Variants in KIAA1671 observed in about 807,000 individuals in gnomAD.
KIAA1671 encodes KIAA1671, also known as uncharacterized protein KIAA1671.
Under a neutral mutation model 131.2 loss-of-function variants are expected in KIAA1671, and 52 were observed. The ratio of observed to expected loss-of-function variants is 0.40; its 90% CI spans 0.32 to 0.50. The LOEUF (loss-of-function observed/expected upper bound fraction) is 0.50, where lower values mean the gene tolerates loss of function less well. Ranked by LOEUF, KIAA1671 falls within the 20% of genes least tolerant of loss-of-function variation. KIAA1671 has a pLI of 0.73. For missense variants in KIAA1671, 2,360 were observed against 2,364.2 expected (o/e 1.00, Z 0.04); for synonymous variants, 1,003 against 961.6 (o/e 1.04, Z -0.80).
intron 6 of KIAA1671, among the ~76,000 whole-genome samples, chr22:25,098,813 A>G (rs1011899791): frequency 6.6e-6 from 1 of 152,168 alleles, no homozygotes; most frequent in African/African-American, 2.4e-5. Context: ...TGGCTGCCCC[A>G]TTCCCTGCCC....
Position 25,041,362 on chromosome 22 carries a change from A to G in KIAA1671, c.4232A>G (p.Glu1411Gly). Residue 1411 changes from glutamate to glycine, a missense_variant, in exon 5 of 13, where the codon GAG (glutamate) becomes GGG (glycine). Glu to Gly is a moderately conservative substitution (Grantham distance 98). Coordinates refer to ENST00000358431, the MANE Select transcript of KIAA1671 (RefSeq NM_001145206.2). ...VPLDIKRAYS[E>G]KGPPANIREG... is the part of the protein sequence containing the mutation. ...CTGGATATCAAGAGGGCCTACTCAG[A>G]GAAGGGGCCCCCTGCCAACATCCGA... 1 of 1,551,712 alleles carries G rather than the reference A, an allele frequency of 6.4e-7. No individual in the cohort carries two copies. Among genetic ancestry groups the G allele is most frequent in the African/African-American group, 1.4e-5 (1 of 73,156 alleles).
At chr22:24,981,197 C>G (rs903879413) in intron 1 of KIAA1671, among the ~76,000 whole-genome samples, 1 of 151,944 alleles carries the variant, frequency 6.6e-6, no homozygotes, top group African/African-American at 2.4e-5. Flanking sequence ...GCTGAGGTGC[C>G]GGGCAGGGGC....
rs1445569298 is a variant in KIAA1671 at position 25,174,465 on chromosome 22, A to G, written c.4875A>G (p.Arg1625=). ...PPPPDACPEK[R]VDDFSFIDQT... ...CACCGGACGCCTGCCCTGAAAAGAG[A>G]GTAGATGACTTCTCCTTCATTGATG... Residue 1625 remains arginine (R), a synonymous_variant, in exon 8 of 13, where the codon AGA becomes AGG. Coordinates refer to ENST00000358431, the MANE Select transcript of KIAA1671 (RefSeq NM_001145206.2). 1 of 1,530,332 alleles carries G rather than the reference A, an allele frequency of 6.5e-7. No homozygotes were observed. The highest frequency in any genetic ancestry group is 8.8e-7 in the Non-Finnish European group (1 of 1,134,096). The allele number at this position is 1,530,332 out of a possible 1,614,324, so 94.8% of individuals were successfully genotyped here.
chr22:25,105,379 C>T (rs1002082337), intron 6 of KIAA1671, among the ~76,000 whole-genome samples: 1 of 152,136 alleles, frequency 6.6e-6, no homozygotes, highest in South Asian at 2.1e-4. Context: ...CTCTGTGTCT[C>T]GCCTCACATT....
intron 6 of KIAA1671, among the ~76,000 whole-genome samples, chr22:25,074,496 CAAAAAAAAAAA>C (rs759898395): frequency 9.4e-5 from 6 of 64,162 alleles, no homozygotes; most frequent in Admixed American, 6.1e-4. Context: ...GGCTGTGTCT[CAAAAAAAAAAA>C]AAAAAAAAAA....
At chr22:24,994,448 C>G (rs913243019) in intron 1 of KIAA1671, among the ~76,000 whole-genome samples, 1 of 152,172 alleles carries the variant, frequency 6.6e-6, no homozygotes, top group Non-Finnish European at 1.5e-5. Flanking sequence ...AATTATCCGA[C>G]TTGAGTGCTA....
At position 25,177,445 on chromosome 22, in the gene KIAA1671, G is replaced by C; in HGVS notation, c.4997G>C (p.Ser1666Thr). ...CCCATCTCCCACTCCCTCCGGCGCAGCCGATTTAGTGAGTCCGAGAGCAGA... is the reference window on the plus strand; with the variant it reads ...CCCATCTCCCACTCCCTCCGGCGCACCCGATTTAGTGAGTCCGAGAGCAGA... ...RAPISHSLRR[S>T]RFSESESRSP... The change falls in exon 9 of 13, where the codon AGC (serine) becomes ACC (threonine). Residue 1666 changes from serine to threonine, a missense_variant. By Grantham distance (58) the Ser-to-Thr change is moderately conservative. Transcript: ENST00000358431. 1 of 1,551,774 alleles carries C rather than the reference G, an allele frequency of 6.4e-7. No homozygotes were observed. The highest frequency in any genetic ancestry group is 1.7e-4 in the Middle Eastern group (1 of 5,992).
At chr22:25,129,540 A>G (rs1932339976) in intron 6 of KIAA1671, among the ~76,000 whole-genome samples, 1 of 150,750 alleles carries the variant, frequency 6.6e-6, no homozygotes, top group South Asian at 2.1e-4. Flanking sequence ...TTCTGGAGCC[A>G]GAAGGCCTGG....
rs1926830573 is a variant in KIAA1671, at chr22:25,040,104, C to T, written c.2974C>T (p.Leu992=). Residue 992 remains leucine (L), a synonymous_variant, in exon 5 of 13, where the codon CTA becomes TTA. Transcript: ENST00000358431. ...AGCCAGTGCCTTAAGAAAACCTCAA[C>T]TATCCCACTACAGGGTGGAGACCCA... ...PTASALRKPQ[L]SHYRVETQEV... The T allele has an allele frequency of 1.5e-5, 24 of 1,551,744 alleles. No homozygotes were observed. Among genetic ancestry groups the T allele is most frequent in the Non-Finnish European group, 2.1e-5 (24 of 1,147,012 alleles).
intron 6 of KIAA1671, among the ~76,000 whole-genome samples, chr22:25,075,942 A>G (rs1426602998): frequency 6.6e-6 from 1 of 151,064 alleles, no homozygotes; most frequent in African/African-American, 2.4e-5. Flanking sequence ...TGCCCGGCTA[A>G]TTTTTGTATT....
At position 25,039,217 on chromosome 22, in the gene KIAA1671, C is replaced by T. The variant is rs1366425643; in HGVS notation, c.2087C>T (p.Pro696Leu). 2.3e-5 allele frequency: 35 copies of T among 1,552,216 alleles called. No homozygotes were observed. The highest frequency in any genetic ancestry group is 5.5e-5 in the African/African-American group (4 of 73,182). Residue 696 changes from proline to leucine, a missense_variant, in exon 5 of 13, where the codon CCG (proline) becomes CTG (leucine). Transcript: ENST00000358431. ...PTTLLNGELR[P>L]YHTPLRDKYP... is the part of the protein sequence containing the mutation. ...ACCCTTTTGAATGGTGAACTGAGAC[C>T]GTATCACACGCCTCTCCGGGACAAA...
rs545984698 is a variant in KIAA1671 at position 25,151,457 on chromosome 22, A to T, written c.4531-19363A>T. Among the ~76,000 whole-genome samples the T allele has an allele frequency of 9.2e-4, 126 of 136,332 alleles. 1 individual carries two copies. Among genetic ancestry groups the T allele is most frequent in the African/African-American group, 3.3e-3 (124 of 37,096 alleles). The allele number at this position is 136,332 out of a possible 152,430, so 89.4% of individuals were successfully genotyped here. ...TTTTTTTTTTTTTTTTTTGAGACGG[A>T]ATCTCACTCTGTCACCCAGGCTGGT... is the stretch of plus-strand genomic sequence containing the variant. On this transcript the variant is annotated intron_variant, in intron 6 of 12. Transcript: ENST00000358431.
intron 11 of KIAA1671, among the ~76,000 whole-genome samples, chr22:25,189,876 T>C (rs1934612223): frequency 6.6e-6 from 1 of 152,214 alleles, no homozygotes; most frequent in South Asian, 2.1e-4. Flanking sequence ...CCTCCCTAAG[T>C]GTTGGAGTTA....
At chr22:25,099,456 C>T (rs577395757) in intron 6 of KIAA1671, among the ~76,000 whole-genome samples, 12 of 150,428 alleles carry the variant, frequency 8.0e-5, no homozygotes, top group African/African-American at 1.7e-4. Flanking sequence ...TGTACCCTAT[C>T]GGAGCAGCCT....
At position 25,197,334 on chromosome 22, in the gene KIAA1671, C is replaced by CAGTT. The variant is rs1444735636; in HGVS notation, c.*4934_*4937dup. 1 of 152,188 alleles carries CAGTT rather than the reference C, an allele frequency of 6.6e-6. No individual in the cohort carries two copies. The highest frequency in any genetic ancestry group is 1.5e-5 in the Non-Finnish European group (1 of 68,050). 9.4% of individuals were successfully genotyped at this position (152,188 alleles called of 1,614,324 possible). A position where few individuals can be genotyped will look rare whatever the true frequency, so the allele number is the denominator to read the frequency against. Reference sequence around the variant, plus strand: ...AAGAAGTTTCATATGCACAGAAGAGCAGTTGGAAATCTGGTCGACTGCAAT... The same window carrying CAGTT: ...AAGAAGTTTCATATGCACAGAAGAGCAGTTAGTTGGAAATCTGGTCGACTGCAAT... On this transcript the variant is annotated 3_prime_UTR_variant, in exon 13 of 13. Transcript: ENST00000358431.
At chr22:25,180,228 G>A (rs1471865702) in intron 9 of KIAA1671, among the ~76,000 whole-genome samples, 2 of 152,238 alleles carry the variant, frequency 1.3e-5, no homozygotes, top group Non-Finnish European at 2.9e-5. Flanking sequence ...TCTGTAGATG[G>A]AGAGCCATGA....
rs1934287580 is a variant in KIAA1671 at position 25,181,840 on chromosome 22, C to G, written c.5199+17C>G. 8 of 1,549,322 alleles carry G rather than the reference C, an allele frequency of 5.2e-6. No individual in the cohort carries two copies. In the East Asian group the frequency reaches 2.0e-4, roughly 38 times the overall value. Reference sequence around the variant, plus strand: ...GTGCTAAAGGTACCAGACCTCTCACCAAGAGTCACCTGGTGGGCATGATCC... The same window carrying G: ...GTGCTAAAGGTACCAGACCTCTCACGAAGAGTCACCTGGTGGGCATGATCC... On this transcript the variant is annotated intron_variant, in intron 10 of 12. Transcript: ENST00000358431.
At position 25,181,723 on chromosome 22, in the gene KIAA1671, A is replaced by C. The variant is rs1333876662; in HGVS notation, c.5099A>C (p.Glu1700Ala). Residue 1700 changes from glutamate (E) to alanine (A), a missense_variant, in exon 10 of 13, where the codon GAG becomes GCG. This residue lies in a region of KIAA1671 where 1,161 missense variants were observed against 1,204.7 expected (regional missense o/e 0.96). Coordinates refer to ENST00000358431, the MANE Select transcript of KIAA1671 (RefSeq NM_001145206.2). ...STEEKSPRKE[E>A]SDEEETASKA... ...GAGGAGAAATCACCCAGGAAGGAGG[A>C]GTCGGATGAGGAGGAGACGGCATCC... The C allele has an allele frequency of 6.4e-7, 1 of 1,551,536 alleles. No homozygotes were observed. Among genetic ancestry groups the C allele is most frequent in the Admixed American group, 2.0e-5 (1 of 50,988 alleles).
At chr22:25,070,482 C>T (rs1163773202) in intron 6 of KIAA1671, 4 of 422,588 alleles carry the variant, frequency 9.5e-6, no homozygotes, top group East Asian at 3.5e-5. Context: ...CTCCTGCTTC[C>T]TGTCAACTTT....
Sources: allele counts gnomAD v4.1 joint callset (sites outside exome capture counted in the v4.1 genomes callset), GRCh38; gene constraint gnomAD v4.1.1; regional missense constraint gnomAD v4.1.1; transcripts MANE v1.5; gene names NCBI Gene and HGNC (gene_info 2026-07-23, HGNC 2026-07-21).